ATP1A1: variants seen among roughly 807,000 people sequenced by gnomAD.
ATP1A1 encodes the protein ATPase Na+/K+ transporting subunit alpha 1.
In ATP1A1, 14 loss-of-function variants were observed where a neutral mutation model predicts 114.8. The ratio of observed to expected loss-of-function variants is 0.12; its 90% CI spans 0.08 to 0.19. The LOEUF (loss-of-function observed/expected upper bound fraction) is 0.19. Among genes scored for constraint, ATP1A1 ranks in the 10% least tolerant of loss-of-function variants. The pLI is 1.00. For missense variants in ATP1A1, 524 were observed against 1,290.7 expected (o/e 0.41, Z 9.10); for synonymous variants, 471 against 466.3 (o/e 1.01, Z -0.13).
At position 116,398,530 on chromosome 1, in the gene ATP1A1, G is replaced by A. The variant is rs1013539020; in HGVS notation, c.2125-91G>A. 8 of 1,471,696 alleles carry A rather than the reference G, an allele frequency of 5.4e-6. No homozygotes were observed. The highest frequency in any genetic ancestry group is 5.6e-6 in the Non-Finnish European group (6 of 1,080,676). 91.2% of individuals were successfully genotyped at this position (1,471,696 alleles called of 1,614,324 possible). A position where few individuals can be genotyped will look rare whatever the true frequency, so the allele number is the denominator to read the frequency against. On this transcript the variant is annotated intron_variant, in intron 15 of 22. Transcript: ENST00000295598. The surrounding 1 kb of genome is among the most constrained non-coding windows in gnomAD (Gnocchi z 6.1). The stretch of plus-strand genomic sequence containing the variant: ...TCTCAATAGGAAAGGAGCAGTGTCT[G>A]TAATGAGTGCTCAGTGGGGGCATGC...
chr1:116,390,728 C>T lies in ATP1A1; in HGVS notation c.1223-54C>T, dbSNP rs1652400613. 5 of 1,418,572 alleles carry T rather than the reference C, an allele frequency of 3.5e-6. No homozygotes were observed. In the Admixed American group the frequency reaches 6.9e-5, roughly 20 times the overall value. 87.9% of individuals were successfully genotyped at this position (1,418,572 alleles called of 1,614,324 possible). Reference sequence around the variant, plus strand: ...GACTTTAATAGGAGAACTGAGAACACAGCCTTTGAAGTTAATGCATTGTTG... The same window carrying T: ...GACTTTAATAGGAGAACTGAGAACATAGCCTTTGAAGTTAATGCATTGTTG... On this transcript the variant is annotated intron_variant, in intron 9 of 22. Coordinates refer to ENST00000295598, the MANE Select transcript of ATP1A1 (RefSeq NM_000701.8).
Position 116,398,130 on chromosome 1 carries a change from G to A in ATP1A1, c.2124+92G>A. On this transcript the variant is annotated intron_variant, in intron 15 of 22. Transcript: ENST00000295598. This position sits in a 1 kb window ranked among gnomAD's most constrained non-coding sequence, Gnocchi z 6.1. ...AACAGAGCAACGGTGATGGATGGATGCATACCTCGCTGTATTAGACTCAGT... is the reference window on the plus strand; with the variant it reads ...AACAGAGCAACGGTGATGGATGGATACATACCTCGCTGTATTAGACTCAGT... 1 of 1,503,726 alleles carries A rather than the reference G, an allele frequency of 6.7e-7. No homozygotes were observed. The highest frequency in any genetic ancestry group is 9.1e-7 in the Non-Finnish European group (1 of 1,104,934). 93.1% of individuals were successfully genotyped at this position (1,503,726 alleles called of 1,614,324 possible).
Position 116,390,029 on chromosome 1 carries a change from A to G in ATP1A1, c.1024-184A>G, listed in dbSNP as rs953252202. On this transcript the variant is annotated intron_variant, in intron 8 of 22. Transcript: ENST00000295598. ...ATCCTGTTATTATTTTTCTTAATAG[A>G]TTGCTTTTCTGGAAGGAAGGGGAAG... The G allele has an allele frequency of 1.8e-4, 127 of 698,070 alleles. 1 individual carries two copies. The highest frequency in any genetic ancestry group is 3.6e-5 in the Non-Finnish European group (15 of 421,112). 43.2% of individuals were successfully genotyped at this position (698,070 alleles called of 1,614,324 possible). A position where few individuals can be genotyped will look rare whatever the true frequency, so the allele number is the denominator to read the frequency against.
rs1276275717 is a variant in ATP1A1 at position 116,389,945 on chromosome 1, C to A, written c.1023+238C>A. On this transcript the variant is annotated intron_variant, in intron 8 of 22. Coordinates refer to ENST00000295598, the MANE Select transcript of ATP1A1 (RefSeq NM_000701.8). The surrounding 1 kb of genome is among the most constrained non-coding windows in gnomAD (Gnocchi z 6.9). ...TTTTAAATTATCACGTGGTCCTGAA[C>A]AGTGCAGTGGAGAAAGGAGAAGAAC... 4.4e-6 allele frequency: 3 copies of A among 686,392 alleles called. No homozygotes were observed. The highest frequency in any genetic ancestry group is 7.2e-6 in the Non-Finnish European group (3 of 416,914). The allele number at this position is 686,392 out of a possible 1,614,324, so 42.5% of individuals were successfully genotyped here.
At chr1:116,373,600 C>A (rs1232267510) in intron 1 of ATP1A1, 77 bp downstream of exon 1, 4 of 1,301,848 alleles carry the variant, frequency 3.1e-6, no homozygotes, top group Non-Finnish European at 9.9e-7. Context: ...AGGGCGACCG[C>A]GGCCAGCGGG....
intron 13 of ATP1A1, among the ~76,000 whole-genome samples, chr1:116,396,359 T>G (rs1379087190): frequency 6.6e-6 from 1 of 151,340 alleles, no homozygotes; most frequent in Non-Finnish European, 1.5e-5. Flanking sequence ...ATAGACATTG[T>G]GTATGCTAGT....
At chr1:116,403,230 C>A (rs1357894392) in intron 21 of ATP1A1, among the ~76,000 whole-genome samples, 3 of 152,178 alleles carry the variant, frequency 2.0e-5, no homozygotes, top group Admixed American at 1.3e-4. Context: ...CCACCGGAGT[C>A]CTGCCCAGGG....
rs1652147019 is a variant in ATP1A1, at chr1:116,387,070, T to G, written c.184-218T>G. Among the ~76,000 whole-genome samples, 1 of 152,260 alleles carries G rather than the reference T, an allele frequency of 6.6e-6. No homozygotes were observed. The highest frequency in any genetic ancestry group is 2.4e-5 in the African/African-American group (1 of 41,472). On this transcript the variant is annotated intron_variant, in intron 3 of 22. Coordinates refer to ENST00000295598, the MANE Select transcript of ATP1A1 (RefSeq NM_000701.8). The surrounding 1 kb of genome is among the most constrained non-coding windows in gnomAD (Gnocchi z 6.7). ...TTAAAGAGTTTTAATCTGGGTGTTA[T>G]GAGTTCCTTGGGCCTATTGTTTGCC...
chr1:116,384,945 A>C lies in ATP1A1; in HGVS notation c.183+103A>C. On this transcript the variant is annotated intron_variant, in intron 3 of 22. Transcript: ENST00000295598. The surrounding 1 kb of genome is among the most constrained non-coding windows in gnomAD (Gnocchi z 5.1). The stretch of plus-strand genomic sequence containing the variant: ...TAACCTCAGGGGCTCTAGTAAGAAA[A>C]TGACAGACACCATCTGCGTATCTAC... The C allele has an allele frequency of 8.9e-7, 1 of 1,122,454 alleles. No homozygotes were observed. Among genetic ancestry groups the C allele is most frequent in the Non-Finnish European group, 1.3e-6 (1 of 745,550 alleles). 69.5% of individuals were successfully genotyped at this position (1,122,454 alleles called of 1,614,324 possible).
rs1286662752 is a variant in ATP1A1, at chr1:116,387,307, C to T, written c.203C>T (p.Ala68Val). 6.2e-7 allele frequency: 1 copy of T among 1,614,032 alleles called. No individual in the cohort carries two copies. Among genetic ancestry groups the T allele is most frequent in the Non-Finnish European group, 8.5e-7 (1 of 1,180,028 alleles). Residue 68 changes from alanine (A) to valine (V), a missense_variant, in exon 4 of 23, where the codon GCA becomes GTA. Ala to Val is a moderately conservative substitution (Grantham distance 64, BLOSUM62 0). Coordinates refer to ENST00000295598, the MANE Select transcript of ATP1A1 (RefSeq NM_000701.8). This position sits in a 1 kb window ranked among gnomAD's most constrained non-coding sequence, Gnocchi z 6.7. ...TCTCAGGGATTAACATCTGCTCGTG[C>T]AGCTGAGATCCTGGCGCGAGATGGT... ...DLSRGLTSAR[A>V]AEILARDGPN...
chr1:116,375,812 G>A (rs1651327602), intron 1 of ATP1A1, among the ~76,000 whole-genome samples: 1 of 152,192 alleles, frequency 6.6e-6, no homozygotes, highest in Non-Finnish European at 1.5e-5. Flanking sequence ...GGAAGCCTGT[G>A]CCGGCAGCTA....
chr1:116,389,755 T>C lies in ATP1A1; in HGVS notation c.1023+48T>C. On this transcript the variant is annotated intron_variant, in intron 8 of 22. Coordinates refer to ENST00000295598, the MANE Select transcript of ATP1A1 (RefSeq NM_000701.8). This position sits in a 1 kb window ranked among gnomAD's most constrained non-coding sequence, Gnocchi z 6.9. ...CCTGACTCAGATCAGCTTGCACGAA[T>C]GTTACACTCTTCCGCTATCCTATTC... The C allele has an allele frequency of 6.2e-7, 1 of 1,607,894 alleles. No individual in the cohort carries two copies. Among genetic ancestry groups the C allele is most frequent in the Non-Finnish European group, 8.5e-7 (1 of 1,175,568 alleles).
chr1:116,390,699 A>G, intron 9 of ATP1A1, 83 bp from the exon 10 acceptor site: 2 of 1,158,752 alleles, frequency 1.7e-6, no homozygotes, highest in Admixed American at 1.9e-5. Flanking sequence ...GCAGATTTCT[A>G]TGGGACTTTA....
In ATP1A1 at chr1:116,387,303, C is replaced by T. The variant is rs764680790; in HGVS notation, c.199C>T (p.Arg67Cys). The T allele has an allele frequency of 1.2e-5, 20 of 1,614,102 alleles. No individual in the cohort carries two copies. Among genetic ancestry groups the T allele is most frequent in the South Asian group, 4.4e-5 (4 of 91,074 alleles). Residue 67 changes from arginine to cysteine, a missense_variant, in exon 4 of 23, where the codon CGT (arginine) becomes TGT (cysteine). Arg to Cys is a radical substitution (Grantham distance 180). This residue lies in a region of ATP1A1 where 141 missense variants were observed against 316.6 expected (regional missense o/e 0.45). Coordinates refer to ENST00000295598, the MANE Select transcript of ATP1A1 (RefSeq NM_000701.8). This position sits in a 1 kb window ranked among gnomAD's most constrained non-coding sequence, Gnocchi z 6.7. ...TGCTTCTCAGGGATTAACATCTGCT[C>T]GTGCAGCTGAGATCCTGGCGCGAGA... ...TDLSRGLTSA[R>C]AAEILARDGP...
chr1:116,398,155 T>A lies in ATP1A1; in HGVS notation c.2124+117T>A. The stretch of plus-strand genomic sequence containing the variant: ...GCATACCTCGCTGTATTAGACTCAG[T>A]ATAAATAGGCCAGTAGGAAGCTCAT... On this transcript the variant is annotated intron_variant, in intron 15 of 22. Transcript: ENST00000295598. The surrounding 1 kb of genome is among the most constrained non-coding windows in gnomAD (Gnocchi z 6.1). The A allele has an allele frequency of 7.2e-7, 1 of 1,382,866 alleles. No individual in the cohort carries two copies. The highest frequency in any genetic ancestry group is 9.8e-7 in the Non-Finnish European group (1 of 1,021,504). The allele number at this position is 1,382,866 out of a possible 1,614,324, so 85.7% of individuals were successfully genotyped here.
At position 116,390,065 on chromosome 1, in the gene ATP1A1, G is replaced by A. The variant is rs1652344387; in HGVS notation, c.1024-148G>A. 14 of 835,642 alleles carry A rather than the reference G, an allele frequency of 1.7e-5. No homozygotes were observed. In the South Asian group the frequency reaches 2.1e-4, roughly 12 times the overall value. 51.8% of individuals were successfully genotyped at this position (835,642 alleles called of 1,614,324 possible). On this transcript the variant is annotated intron_variant, in intron 8 of 22. Transcript: ENST00000295598. ...GGAAGGAAGGGGAAGCCTCATGTAT[G>A]GGTTCCCCTTATTATTTCTTCAAAC...
chr1:116,388,873 G>A lies in ATP1A1; in HGVS notation c.637-29G>A, dbSNP rs2101044576. ...CATGATAAGGCTGGTGTATTCACAT[G>A]ACATTTTTCTTCTTTTCCTCACATA... On this transcript the variant is annotated intron_variant, in intron 6 of 22. Coordinates refer to ENST00000295598, the MANE Select transcript of ATP1A1 (RefSeq NM_000701.8). This position sits in a 1 kb window ranked among gnomAD's most constrained non-coding sequence, Gnocchi z 5.6. 6.2e-7 allele frequency: 1 copy of A among 1,613,554 alleles called. No homozygotes were observed. The highest frequency in any genetic ancestry group is 8.5e-7 in the Non-Finnish European group (1 of 1,179,610).
chr1:116,393,153 G>A lies in ATP1A1; in HGVS notation c.1467+165G>A. 1 of 1,054,686 alleles carries A rather than the reference G, an allele frequency of 9.5e-7. No homozygotes were observed. The highest frequency in any genetic ancestry group is 1.7e-5 in the South Asian group (1 of 59,660). 65.3% of individuals were successfully genotyped at this position (1,054,686 alleles called of 1,614,324 possible). A position where few individuals can be genotyped will look rare whatever the true frequency, so the allele number is the denominator to read the frequency against. ...AATGCCATAATTTAGTTGAATATCA[G>A]CAGGATAAATGAAGCCTCTTGCAAA... On this transcript the variant is annotated intron_variant, in intron 11 of 22. Transcript: ENST00000295598. The surrounding 1 kb of genome is among the most constrained non-coding windows in gnomAD (Gnocchi z 5.0).
rs1318159955 is a variant in ATP1A1, at chr1:116,397,163, C to T, written c.1973+429C>T. ...AAATAAAATAAGGAAGGGACAATTA[C>T]TTAGGCCATTCAGGCAAACACAGGA... On this transcript the variant is annotated intron_variant, in intron 14 of 22. Coordinates refer to ENST00000295598, the MANE Select transcript of ATP1A1 (RefSeq NM_000701.8). This position sits in a 1 kb window ranked among gnomAD's most constrained non-coding sequence, Gnocchi z 4.2. Among the ~76,000 whole-genome samples, 5 of 152,170 alleles carry T rather than the reference C, an allele frequency of 3.3e-5. No homozygotes were observed. The highest frequency in any genetic ancestry group is 1.2e-4 in the African/African-American group (5 of 41,430).
Sources: gnomAD v4.1 joint callset for allele counts (sites outside exome capture counted in the v4.1 genomes callset) on GRCh38, gnomAD v4.1.1 for gene constraint, gnomAD v4.1.1 regional missense constraint, Gnocchi (gnomAD v3.1) non-coding constraint, MANE v1.5 for transcripts, NCBI Gene and HGNC (gene_info 2026-07-23, HGNC 2026-07-21) for gene names.